Variants in GALNT9 observed in about 807,000 individuals in gnomAD.
GALNT9 encodes GalNAc transferase 9.
A neutral mutation model predicts 63.1 loss-of-function variants in GALNT9; 47 were observed. The ratio of observed to expected loss-of-function variants is 0.75; its 90% CI spans 0.59 to 0.95. The LOEUF (loss-of-function observed/expected upper bound fraction) is 0.95. Ranked by LOEUF, GALNT9 falls within the 40% of genes least tolerant of loss-of-function variation. The pLI, the probability that GALNT9 is intolerant of heterozygous loss-of-function variation, is 0.00. For missense variants in GALNT9, 829 were observed against 874.8 expected (o/e 0.95, Z 0.66); for synonymous variants, 396 against 365.7 (o/e 1.08, Z -0.94).
At position 132,236,124 on chromosome 12, in the gene GALNT9, C is replaced by T. The variant is rs916820586; in HGVS notation, c.1077+11786G>A. Among the ~76,000 whole-genome samples the T allele has an allele frequency of 4.0e-5, 6 of 150,478 alleles. No individual in the cohort carries two copies. Among genetic ancestry groups the T allele is most frequent in the Non-Finnish European group, 8.9e-5 (6 of 67,582 alleles). On this transcript the variant is annotated intron_variant, in intron 6 of 10. Coordinates refer to ENST00000328957, the MANE Select transcript of GALNT9 (RefSeq NM_001122636.2). The surrounding 1 kb of genome is among the most constrained non-coding windows in gnomAD (Gnocchi z 5.6). ...CAGGAGGGTCCCCCGGGCTGGAGTT[C>T]AACCCTCGGGACAGGGCAGAAGATC...
At chr12:132,240,102 G>A (rs2136897792) in intron 6 of GALNT9, among the ~76,000 whole-genome samples, 3 of 152,202 alleles carry the variant, frequency 2.0e-5, no homozygotes, top group African/African-American at 7.2e-5. Context: ...CTATCAGGAT[G>A]TGTGGTCTTA....
Position 132,203,505 on chromosome 12 carries a change from C to A in GALNT9, c.1263G>T (p.Ser421=), listed in dbSNP as rs200089445. The part of the protein sequence containing the change: ...HVYMAWNIPM[S]NPGVDFGDVS... The stretch of plus-strand genomic sequence containing the variant: ...GGCTCCCGGCCTGTGGGGGACTCAC[C>A]GACATGGGGATGTTCCAGGCCATGT... The change falls in exon 7 of 11, where the codon TCG becomes TCT. Residue 421 remains serine (S), a splice_region_variant and synonymous_variant. Coordinates refer to ENST00000328957, the MANE Select transcript of GALNT9 (RefSeq NM_001122636.2). 6.2e-7 allele frequency: 1 copy of A among 1,613,454 alleles called. No individual in the cohort carries two copies. The highest frequency in any genetic ancestry group is 8.5e-7 in the Non-Finnish European group (1 of 1,179,536).
rs1194450017 is a variant in GALNT9 at position 132,307,950 on chromosome 12, C to T, written c.238+21016G>A. ...CACTGGGAGGCTGAGCCAGGAGAAT[C>T]ACTTGACCTTAGGAGGCTGTGGCTG... On this transcript the variant is annotated intron_variant, in intron 1 of 10. Coordinates refer to ENST00000328957, the MANE Select transcript of GALNT9 (RefSeq NM_001122636.2). Among the ~76,000 whole-genome samples, 2 of 151,898 alleles carry T rather than the reference C, an allele frequency of 1.3e-5. 1 individual carries two copies. Among genetic ancestry groups the T allele is most frequent in the Admixed American group, 1.3e-4 (2 of 15,266 alleles).
intron 1 of GALNT9, among the ~76,000 whole-genome samples, chr12:132,304,022 G>C (rs187150544): frequency 3.1e-4 from 4 of 13,108 alleles, no homozygotes; most frequent in Admixed American, 1.1e-3. Flanking sequence ...CACCCTCTCC[G>C]GGGCACACCC....
At chr12:132,263,127 GAGGAGCTGGGCACAGCCA>G (rs1366965977) in intron 2 of GALNT9, among the ~76,000 whole-genome samples, 3 of 152,134 alleles carry the variant, frequency 2.0e-5, no homozygotes, top group Non-Finnish European at 4.4e-5. Context: ...GGGCACAGCC[GAGGAGCTGGGCACAGCCA>G]AGGAGCCAGC....
chr12:132,322,350 G>A lies in GALNT9; in HGVS notation c.238+6616C>T, dbSNP rs1328863412. 6.6e-5 allele frequency among the ~76,000 whole-genome samples: 10 copies of A among 152,246 alleles called. No homozygotes were observed. The East Asian group carries it at 1.2e-3, about 18-fold the overall frequency. ...CTCTGCTCAGGCCCGCGTCCTCAGC[G>A]CAGTTCAGGAATGCAGCAGGTGCTC... On this transcript the variant is annotated intron_variant, in intron 1 of 10. Transcript: ENST00000328957.
intron 1 of GALNT9, among the ~76,000 whole-genome samples, chr12:132,300,897 C>T (rs1881271105): frequency 6.6e-6 from 1 of 152,232 alleles, no homozygotes; most frequent in Non-Finnish European, 1.5e-5. Flanking sequence ...AGGGCATTAA[C>T]CCCTTGGAGA....
At chr12:132,284,146 C>T (rs959727095) in intron 2 of GALNT9, 2 of 151,802 alleles carry the variant, frequency 1.3e-5, no homozygotes, top group East Asian at 3.9e-4. Context: ...CACACCCACG[C>T]ACATGCACGC....
At chr12:132,217,898 CCCAT>C (rs1054114929) in intron 6 of GALNT9, among the ~76,000 whole-genome samples, 1 of 151,410 alleles carries the variant, frequency 6.6e-6, no homozygotes, top group Non-Finnish European at 1.5e-5. Context: ...TCTCTATCCA[CCCAT>C]CCATTCATCC....
chr12:132,320,750 G>T (rs912347906), intron 1 of GALNT9, among the ~76,000 whole-genome samples: 1 of 148,618 alleles, frequency 6.7e-6, no homozygotes, highest in African/African-American at 2.5e-5. Context: ...TGCCCTCGGG[G>T]TTGGAGAATC....
rs1878727689 is a variant in GALNT9 at position 132,246,986 on chromosome 12, C to T, written c.1077+924G>A. 6.6e-6 allele frequency among the ~76,000 whole-genome samples: 1 copy of T among 152,204 alleles called. No individual in the cohort carries two copies. The highest frequency in any genetic ancestry group is 2.1e-4 in the South Asian group (1 of 4,828). On this transcript the variant is annotated intron_variant, in intron 6 of 10. Coordinates refer to ENST00000328957, the MANE Select transcript of GALNT9 (RefSeq NM_001122636.2). This position sits in a 1 kb window ranked among gnomAD's most constrained non-coding sequence, Gnocchi z 4.7. Reference sequence around the variant, plus strand: ...GTTTTGAAAGGTGCAACTTAATAAACTACATATAAATTTTTAAAACTAGCC... The same window carrying T: ...GTTTTGAAAGGTGCAACTTAATAAATTACATATAAATTTTTAAAACTAGCC...
At chr12:132,203,386 C>G in intron 7 of GALNT9, 119 bp downstream of exon 7, 1 of 845,706 alleles carries the variant, frequency 1.2e-6, no homozygotes, top group Non-Finnish European at 1.8e-6. Context: ...GCACACCTGT[C>G]AACACACCCA....
intron 6 of GALNT9, among the ~76,000 whole-genome samples, chr12:132,217,074 G>T (rs1272431801): frequency 6.6e-6 from 1 of 152,100 alleles, no homozygotes; most frequent in Admixed American, 6.5e-5. Context: ...CTTCCATTTT[G>T]CCAATATTCC....
chr12:132,261,109 G>C lies in GALNT9; in HGVS notation c.600C>G (p.Phe200Leu), dbSNP rs1555239753. 1 of 1,551,316 alleles carries C rather than the reference G, an allele frequency of 6.4e-7. No individual in the cohort carries two copies. Among genetic ancestry groups the C allele is most frequent in the East Asian group, 2.4e-5 (1 of 40,904 alleles). The change falls in exon 4 of 11, where the codon TTC becomes TTG. Residue 200 changes from phenylalanine to leucine, a missense_variant. Transcript: ENST00000328957. ...DDNSDNVELK[F>L]NLDQYVNKRY... ...GCTTGTTGACGTACTGGTCCAGATTGAACTTGAGTTCCACTGAGGAGAGAC... is the reference window on the plus strand; with the variant it reads ...GCTTGTTGACGTACTGGTCCAGATTCAACTTGAGTTCCACTGAGGAGAGAC...
rs1555246710 is a variant in GALNT9 at position 132,328,967 on chromosome 12, G to A, written c.237C>T (p.Asn79=). ...CTCCGCCCCGGCGCCCCCGCTCACC[G>A]TTGAGCTGGTTGTAGACCACCTCCT... ...HLEEVVYNQL[N]GLAKPIGLVE... is the part of the protein sequence containing the mutation. Residue 79 remains asparagine, a splice_region_variant and synonymous_variant, in exon 1 of 11, where the codon AAC becomes AAT. Transcript: ENST00000328957. 9.8e-6 allele frequency: 15 copies of A among 1,530,022 alleles called. No individual in the cohort carries two copies. Among genetic ancestry groups the A allele is most frequent in the Admixed American group, 4.0e-5 (2 of 50,388 alleles). 94.8% of individuals were successfully genotyped at this position (1,530,022 alleles called of 1,614,324 possible).
chr12:132,290,406 C>A lies in GALNT9; in HGVS notation c.239-3976G>T, dbSNP rs181756895. Among the ~76,000 whole-genome samples, 11 of 152,276 alleles carry A rather than the reference C, an allele frequency of 7.2e-5. No individual in the cohort carries two copies. In the East Asian group the frequency reaches 2.1e-3, roughly 29 times the overall value. On this transcript the variant is annotated intron_variant, in intron 1 of 10. Transcript: ENST00000328957. ...GCGAGGCCGTCCCAACGCGCTGTGT[C>A]TTGGGGTGATGGGCACGGAGCCATT...
In GALNT9 at chr12:132,211,717, A is replaced by AC. The variant is rs574198670; in HGVS notation, c.1078-8028dup. On this transcript the variant is annotated intron_variant, in intron 6 of 10. Coordinates refer to ENST00000328957, the MANE Select transcript of GALNT9 (RefSeq NM_001122636.2). The stretch of plus-strand genomic sequence containing the variant: ...GCATTTCCCCCTCTCCGTCGAGGGG[A>AC]CCCTGGGGCAGGTCCTTCAAGAGCA... Among the ~76,000 whole-genome samples, 236 of 152,266 alleles carry AC rather than the reference A, an allele frequency of 1.5e-3. 1 individual carries two copies. Among genetic ancestry groups the AC allele is most frequent in the Non-Finnish European group, 2.7e-3 (183 of 68,030 alleles).
At chr12:132,266,772 A>C (rs967573977) in intron 2 of GALNT9, among the ~76,000 whole-genome samples, 25 of 151,444 alleles carry the variant, frequency 1.7e-4, no homozygotes, top group Non-Finnish European at 3.5e-4. Context: ...TGGGGCCTGG[A>C]CCTCCCCTCC....
At chr12:132,264,247 G>A (rs1421504606) in intron 2 of GALNT9, among the ~76,000 whole-genome samples, 1 of 152,224 alleles carries the variant, frequency 6.6e-6, no homozygotes, top group African/African-American at 2.4e-5. Context: ...AGAGATGGAC[G>A]CAGAGGCCCC....
Sources: gnomAD v4.1 joint callset for allele counts (sites outside exome capture counted in the v4.1 genomes callset) on GRCh38, gnomAD v4.1.1 for gene constraint, Gnocchi (gnomAD v3.1) non-coding constraint, MANE v1.5 for transcripts, NCBI Gene and HGNC (gene_info 2026-07-23, HGNC 2026-07-21) for gene names.